The following AGBL4 variants were observed in gnomAD, a reference collection of about 807,000 sequenced individuals.
The protein encoded by AGBL4 is cytosolic carboxypeptidase 6.
In AGBL4, 58 loss-of-function variants were observed where a neutral mutation model predicts 66.4. The observed-to-expected ratio is 0.87, with a 90% confidence interval of 0.71 to 1.09. The LOEUF is 1.09. Ranked by LOEUF, AGBL4 falls within the 50% of genes least tolerant of loss-of-function variation. AGBL4 has a pLI of 0.00. For synonymous variants in AGBL4, 234 were observed against 222.9 expected (o/e 1.05, Z -0.44); for missense variants, 579 against 631.0 (o/e 0.92, Z 0.88).
chr1:49,046,792 C>A (rs1326743085), intron 4 of AGBL4, among the ~76,000 whole-genome samples: 1 of 152,144 alleles, frequency 6.6e-6, no homozygotes, highest in Non-Finnish European at 1.5e-5. Context: ...TTATCAATTG[C>A]TTAATAAGTC....
At chr1:49,170,263 T>G (rs945935823) in intron 4 of AGBL4, among the ~76,000 whole-genome samples, 7 of 145,760 alleles carry the variant, frequency 4.8e-5, no homozygotes, top group African/African-American at 1.7e-4. Flanking sequence ...TATTATAAAT[T>G]TATATTCATA....
intron 3 of AGBL4, among the ~76,000 whole-genome samples, chr1:49,679,670 A>C (rs923350744): frequency 6.6e-6 from 1 of 152,090 alleles, no homozygotes; most frequent in African/African-American, 2.4e-5. Flanking sequence ...TCTGTAGGTT[A>C]ACTGAACTTT....
At chr1:49,605,901 C>A (rs930802424) in intron 3 of AGBL4, among the ~76,000 whole-genome samples, 1 of 151,912 alleles carries the variant, frequency 6.6e-6, no homozygotes, top group Non-Finnish European at 1.5e-5. Context: ...TAGGATCATT[C>A]AAAAAACTAT....
At chr1:49,804,104 C>T (rs4272667) in intron 2 of AGBL4, among the ~76,000 whole-genome samples, 60,895 of 151,992 alleles carry the variant, frequency 0.4, 15,530 homozygotes, top group Non-Finnish European at 0.57. Flanking sequence ...CAGCTTCTCA[C>T]AACAGACTCC....
chr1:49,998,255 T>C (rs555832021), intron 1 of AGBL4, among the ~76,000 whole-genome samples: 2 of 152,122 alleles, frequency 1.3e-5, no homozygotes, highest in Admixed American at 1.3e-4. Context: ...ACAGGAGATA[T>C]TACAACTGAT....
At chr1:48,995,700 G>C (rs771905025) in intron 5 of AGBL4, among the ~76,000 whole-genome samples, 1 of 152,178 alleles carries the variant, frequency 6.6e-6, no homozygotes, top group Non-Finnish European at 1.5e-5. Context: ...AAGTGTTGGA[G>C]AGAGAAATGA....
At chr1:48,987,209 C>A (rs535722657) in intron 5 of AGBL4, among the ~76,000 whole-genome samples, 7 of 151,564 alleles carry the variant, frequency 4.6e-5, no homozygotes, top group Middle Eastern at 3.7e-3. Context: ...AAATGAACAC[C>A]GTAATTTAAA....
At chr1:48,884,380 G>C (rs949953559) in intron 5 of AGBL4, among the ~76,000 whole-genome samples, 1 of 133,816 alleles carries the variant, frequency 7.5e-6, no homozygotes, top group Admixed American at 7.8e-5. Context: ...TCACTGGTTC[G>C]AGAGCCTGGA....
chr1:49,465,688 A>G (rs1646616266), intron 3 of AGBL4, among the ~76,000 whole-genome samples: 1 of 151,810 alleles, frequency 6.6e-6, no homozygotes, highest in Non-Finnish European at 1.5e-5. Flanking sequence ...TGACAAACTA[A>G]AGGGAATGGA....
At chr1:49,212,819 A>C (rs1648774271) in intron 4 of AGBL4, among the ~76,000 whole-genome samples, 1 of 152,138 alleles carries the variant, frequency 6.6e-6, no homozygotes, top group Non-Finnish European at 1.5e-5. Context: ...GAAACTTATA[A>C]TTGAGTTTTC....
At chr1:49,887,150 T>TAC (rs139078744) in intron 1 of AGBL4, among the ~76,000 whole-genome samples, 7 of 113,492 alleles carry the variant, frequency 6.2e-5, no homozygotes, top group Non-Finnish European at 8.9e-5. Context: ...TATATATATA[T>TAC]ATACATTGTG....
At chr1:49,551,419 G>A (rs1482205277) in intron 3 of AGBL4, among the ~76,000 whole-genome samples, 1 of 152,090 alleles carries the variant, frequency 6.6e-6, no homozygotes, top group Non-Finnish European at 1.5e-5. Context: ...TTCTCATTTG[G>A]GTAGACTCTG....
intron 1 of AGBL4, among the ~76,000 whole-genome samples, chr1:49,877,605 T>C (rs1285391795): frequency 1.3e-5 from 2 of 152,094 alleles, no homozygotes; most frequent in Non-Finnish European, 2.9e-5. Flanking sequence ...ATCAAGGATA[T>C]TGGTCTAAAA....
chr1:48,863,920 A>T (rs1348168621), intron 6 of AGBL4, among the ~76,000 whole-genome samples: 1 of 152,108 alleles, frequency 6.6e-6, no homozygotes, highest in East Asian at 1.9e-4. Context: ...TAAAGCCTAT[A>T]AAACAAGAGA....
chr1:49,384,043 C>A (rs1644682209), intron 3 of AGBL4, among the ~76,000 whole-genome samples: 1 of 151,884 alleles, frequency 6.6e-6, no homozygotes, highest in African/African-American at 2.4e-5. Context: ...GATCCGCCCA[C>A]CTCGGCCTCC....
At chr1:48,656,675 A>G (rs319995) in intron 7 of AGBL4, among the ~76,000 whole-genome samples, 97,629 of 152,078 alleles carry the variant, frequency 0.64, 31,644 homozygotes, top group Middle Eastern at 0.72. Flanking sequence ...CCTTTTCAGC[A>G]ACATGGATGC....
At chr1:49,291,377 G>T (rs1300988577) in intron 3 of AGBL4, among the ~76,000 whole-genome samples, 1 of 151,958 alleles carries the variant, frequency 6.6e-6, no homozygotes, top group Non-Finnish European at 1.5e-5. Flanking sequence ...CAAGAAAAAA[G>T]GATAATAGTC....
chr1:48,691,061 A>C (rs1646622119), intron 6 of AGBL4, among the ~76,000 whole-genome samples: 1 of 149,930 alleles, frequency 6.7e-6, no homozygotes, highest in Admixed American at 6.7e-5. Flanking sequence ...GCTACTCCAG[A>C]GGCTGAGGCA....
chr1:48,812,673 C>A (rs558281894), intron 6 of AGBL4, among the ~76,000 whole-genome samples: 11 of 152,076 alleles, frequency 7.2e-5, no homozygotes, highest in Non-Finnish European at 1.5e-4. Flanking sequence ...ATGTTTATTG[C>A]GGCACTATTC....
Sources: gnomAD v4.1 joint callset for allele counts (sites outside exome capture counted in the v4.1 genomes callset) on GRCh38, gnomAD v4.1.1 for gene constraint, MANE v1.5 for transcripts, NCBI Gene and HGNC (gene_info 2026-07-23, HGNC 2026-07-21) for gene names.